Variants in CALHM5 observed in about 807,000 individuals in gnomAD.
CALHM5 encodes calcium homeostasis modulator family member 5.
In CALHM5, 17 loss-of-function variants were observed where a neutral mutation model predicts 20.9. That is an observed-to-expected ratio of 0.82 (90% CI 0.56 to 1.22). The LOEUF is 1.22. Ranked by LOEUF, CALHM5 falls within the 50% of genes most tolerant of loss-of-function variation. CALHM5 has a pLI of 0.00. For missense variants in CALHM5, 360 were observed against 364.6 expected (o/e 0.99, Z 0.10); for synonymous variants, 148 against 140.0 (o/e 1.06, Z -0.40).
rs1191077619 is a variant in CALHM5, at chr6:116,521,073, C to T, written c.*5084C>T. 1.3e-5 allele frequency: 2 copies of T among 150,990 alleles called. No individual in the cohort carries two copies. Among genetic ancestry groups the T allele is most frequent in the Non-Finnish European group, 2.9e-5 (2 of 67,932 alleles). 9.4% of individuals were successfully genotyped at this position (150,990 alleles called of 1,614,324 possible). A position where few individuals can be genotyped will look rare whatever the true frequency, so the allele number is the denominator to read the frequency against. On this transcript the variant is annotated 3_prime_UTR_variant, in exon 2 of 2. Transcript: ENST00000368599. Reference sequence around the variant, plus strand: ...GTACAACAGTATATATACATACATACATATATATGTGTGTGCATGTGTGTG... The same window carrying T: ...GTACAACAGTATATATACATACATATATATATATGTGTGTGCATGTGTGTG...
chr6:116,511,878 T>C lies in CALHM5; in HGVS notation c.182T>C (p.Val61Ala). 4 of 1,614,024 alleles carry C rather than the reference T, an allele frequency of 2.5e-6. No individual in the cohort carries two copies. The highest frequency in any genetic ancestry group is 3.4e-6 in the Non-Finnish European group (4 of 1,179,974). ...GTTTTCCTCTTTGCTCCTGCCTGGG[T>C]GTTACTGATCCTGGGATTCTTTCTG... ...GLVFLFAPAW[V>A]LLILGFFLNN... Residue 61 changes from valine to alanine, a missense_variant, in exon 1 of 2, where the codon GTG (valine) becomes GCG (alanine). Val to Ala is a moderately conservative substitution (Grantham distance 64). Coordinates refer to ENST00000368599, the MANE Select transcript of CALHM5 (RefSeq NM_153711.5).
At position 116,519,957 on chromosome 6, in the gene CALHM5, T is replaced by C. The variant is rs1235763744; in HGVS notation, c.*3968T>C. 6.6e-6 allele frequency: 1 copy of C among 152,182 alleles called. No individual in the cohort carries two copies. Among genetic ancestry groups the C allele is most frequent in the African/African-American group, 2.4e-5 (1 of 41,464 alleles). The allele number at this position is 152,182 out of a possible 1,614,324, so 9.4% of individuals were successfully genotyped here. ...ATATAAAGTGGGAGAAAAAAAGGTA[T>C]GTAACAAAGATTACAAAAATAAGGC... On this transcript the variant is annotated 3_prime_UTR_variant, in exon 2 of 2. Transcript: ENST00000368599.
rs897148097 is a variant in CALHM5 at position 116,520,411 on chromosome 6, A to G, written c.*4422A>G. 2.6e-5 allele frequency: 4 copies of G among 152,168 alleles called. No homozygotes were observed. The highest frequency in any genetic ancestry group is 9.6e-5 in the African/African-American group (4 of 41,522). The allele number at this position is 152,168 out of a possible 1,614,324, so 9.4% of individuals were successfully genotyped here. On this transcript the variant is annotated 3_prime_UTR_variant, in exon 2 of 2. Transcript: ENST00000368599. ...TATCCCCTGTTGTACAAGCCAGAGG[A>G]TATTAATTTCCTTTGTGGGTAGTGC... is the stretch of plus-strand genomic sequence containing the variant.
At position 116,522,525 on chromosome 6, in the gene CALHM5, A is replaced by G. The variant is rs2115175054; in HGVS notation, c.*6536A>G. ...TTTTCTTTAGGTTCCAGTTAGCAGT[A>G]TAGCATCTACAGCATGATTTGATAG... On this transcript the variant is annotated 3_prime_UTR_variant, in exon 2 of 2. Coordinates refer to ENST00000368599, the MANE Select transcript of CALHM5 (RefSeq NM_153711.5). 1 of 152,360 alleles carries G rather than the reference A, an allele frequency of 6.6e-6. No homozygotes were observed. Among genetic ancestry groups the G allele is most frequent in the South Asian group, 2.1e-4 (1 of 4,830 alleles). The allele number at this position is 152,360 out of a possible 1,614,324, so 9.4% of individuals were successfully genotyped here.
intron 1 of CALHM5, among the ~76,000 whole-genome samples, chr6:116,514,680 C>T (rs904917302): frequency 2.6e-5 from 4 of 152,264 alleles, no homozygotes; most frequent in Non-Finnish European, 4.4e-5. Context: ...GGTTGAGACC[C>T]TTCACAAACA....
intron 1 of CALHM5, among the ~76,000 whole-genome samples, chr6:116,514,895 T>C (rs1772192196): frequency 6.6e-6 from 1 of 152,228 alleles, no homozygotes; most frequent in African/African-American, 2.4e-5. Context: ...TTAATTTCAA[T>C]TGTGAAAACA....
intron 1 of CALHM5, among the ~76,000 whole-genome samples, chr6:116,512,557 G>C (rs1163612085): frequency 1.3e-5 from 2 of 152,176 alleles, no homozygotes; most frequent in African/African-American, 4.8e-5. Context: ...ATCATAAATT[G>C]AGTGTTAATG....
In CALHM5 at chr6:116,518,426, C is replaced by T. The variant is rs756746772; in HGVS notation, c.*2437C>T. On this transcript the variant is annotated 3_prime_UTR_variant, in exon 2 of 2. Transcript: ENST00000368599. The stretch of plus-strand genomic sequence containing the variant: ...AAAAAAGGTTTGTTTTTTCTACGTA[C>T]AATATCTTTGGGAACTTGGAGGTGC... The T allele has an allele frequency of 2.6e-4, 40 of 152,344 alleles. No homozygotes were observed. Among genetic ancestry groups the T allele is most frequent in the African/African-American group, 9.4e-4 (39 of 41,510 alleles). 9.4% of individuals were successfully genotyped at this position (152,344 alleles called of 1,614,324 possible). A position where few individuals can be genotyped will look rare whatever the true frequency, so the allele number is the denominator to read the frequency against.
Position 116,515,633 on chromosome 6 carries a change from T to A in CALHM5, c.574T>A (p.Phe192Ile). 6.2e-7 allele frequency: 1 copy of A among 1,613,452 alleles called. No individual in the cohort carries two copies. Among genetic ancestry groups the A allele is most frequent in the Non-Finnish European group, 8.5e-7 (1 of 1,179,714 alleles). The change falls in exon 2 of 2, where the codon TTC (phenylalanine) becomes ATC (isoleucine). Residue 192 changes from phenylalanine (F) to isoleucine (I), a missense_variant. Physicochemically the swap from Phe to Ile is conservative, Grantham distance 21. Transcript: ENST00000368599. ...LGWCLICSAS[F>I]FSLLTTCYAR... ...ATGGTGCCTGATTTGTTCAGCGTCT[T>A]TCTTCTCTCTGCTCACCACATGTTA... is the stretch of plus-strand genomic sequence containing the variant.
At position 116,516,145 on chromosome 6, in the gene CALHM5, G is replaced by T; in HGVS notation, c.*156G>T. On this transcript the variant is annotated 3_prime_UTR_variant, in exon 2 of 2. Transcript: ENST00000368599. The stretch of plus-strand genomic sequence containing the variant: ...AAGGAAACTGCTTTGAAGCTCTCAA[G>T]TGGAACATCAGGATGTGCTCAAATT... 9.8e-7 allele frequency: 1 copy of T among 1,019,956 alleles called. No individual in the cohort carries two copies. Among genetic ancestry groups the T allele is most frequent in the Non-Finnish European group, 1.3e-6 (1 of 741,504 alleles). The allele number at this position is 1,019,956 out of a possible 1,614,324, so 63.2% of individuals were successfully genotyped here.
intron 1 of CALHM5, among the ~76,000 whole-genome samples, chr6:116,514,055 A>G (rs759675458): frequency 6.6e-6 from 1 of 152,136 alleles, no homozygotes. Flanking sequence ...TTCCAAGTCA[A>G]TGAGGAAAAC....
chr6:116,524,374 TG>T lies in CALHM5; in HGVS notation c.*8386del, dbSNP rs544513686. 1.2e-3 allele frequency: 181 copies of T among 152,330 alleles called. No individual in the cohort carries two copies. Among genetic ancestry groups the T allele is most frequent in the African/African-American group, 4.1e-3 (172 of 41,588 alleles). 9.4% of individuals were successfully genotyped at this position (152,330 alleles called of 1,614,324 possible). A position where few individuals can be genotyped will look rare whatever the true frequency, so the allele number is the denominator to read the frequency against. ...TGCTGAAGTTTTGTCAATCACCCCC[TG>T]CTTAGCTGGAGTTTACCTTCTAGTA... On this transcript the variant is annotated 3_prime_UTR_variant, in exon 2 of 2. Coordinates refer to ENST00000368599, the MANE Select transcript of CALHM5 (RefSeq NM_153711.5).
In CALHM5 at chr6:116,521,965, C is replaced by T. The variant is rs888865469; in HGVS notation, c.*5976C>T. The T allele has an allele frequency of 6.6e-6, 1 of 151,982 alleles. No individual in the cohort carries two copies. Among genetic ancestry groups the T allele is most frequent in the Non-Finnish European group, 1.5e-5 (1 of 68,002 alleles). 9.4% of individuals were successfully genotyped at this position (151,982 alleles called of 1,614,324 possible). ...AGCCACTATGTAAGAACTGCAATTA[C>T]TCAGGGACTACCAAGCTCTGAAGAG... On this transcript the variant is annotated 3_prime_UTR_variant, in exon 2 of 2. Transcript: ENST00000368599.
rs1772370451 is a variant in CALHM5, at chr6:116,522,846, A to G, written c.*6857A>G. On this transcript the variant is annotated 3_prime_UTR_variant, in exon 2 of 2. Coordinates refer to ENST00000368599, the MANE Select transcript of CALHM5 (RefSeq NM_153711.5). ...TGTTAGAAATGCAGAATCAGACAGT[A>G]TCTAAAACCTGTTGAGTCAAGCCTG... 6.6e-6 allele frequency: 1 copy of G among 152,112 alleles called. No individual in the cohort carries two copies. The highest frequency in any genetic ancestry group is 2.4e-5 in the African/African-American group (1 of 41,432). The allele number at this position is 152,112 out of a possible 1,614,324, so 9.4% of individuals were successfully genotyped here.
intron 1 of CALHM5, 62 bp downstream of exon 1, chr6:116,512,298 C>T: frequency 6.7e-7 from 1 of 1,502,302 alleles, no homozygotes; most frequent in Non-Finnish European, 8.9e-7. Flanking sequence ...TCTCTGTGCT[C>T]CTTTCAGCCA....
In CALHM5 at chr6:116,522,916, A is replaced by G. The variant is rs2640871; in HGVS notation, c.*6927A>G. 0.41 allele frequency: 62,211 copies of G among 150,940 alleles called. 14,495 individuals carry two copies. Among genetic ancestry groups the G allele is most frequent in the Middle Eastern group, 0.6 (177 of 294 alleles). 9.4% of individuals were successfully genotyped at this position (150,940 alleles called of 1,614,324 possible). A position where few individuals can be genotyped will look rare whatever the true frequency, so the allele number is the denominator to read the frequency against. On this transcript the variant is annotated 3_prime_UTR_variant, in exon 2 of 2. Transcript: ENST00000368599. ...CTGATTCCAGTTCAAGCTAAATTTG[A>G]TAACACTAAGGCAGTGGTTCTCAAA...
Position 116,515,921 on chromosome 6 carries a change from G to A in CALHM5, c.862G>A (p.Gly288Ser). 6.2e-7 allele frequency: 1 copy of A among 1,613,638 alleles called. No individual in the cohort carries two copies. The change falls in exon 2 of 2, where the codon GGT (glycine) becomes AGT (serine). Residue 288 changes from glycine to serine, a missense_variant. Coordinates refer to ENST00000368599, the MANE Select transcript of CALHM5 (RefSeq NM_153711.5). ...CACCCTCCACAGAGTGGTGGACAAT[G>A]GTCTGCAACTTAGCCCTGAGGATGA... ...YSTLHRVVDN[G>S]LQLSPEDDET...
chr6:116,515,072 T>C (rs1457113621), intron 1 of CALHM5, among the ~76,000 whole-genome samples: 1 of 152,236 alleles, frequency 6.6e-6, no homozygotes, highest in Non-Finnish European at 1.5e-5. Context: ...TCCTAATTTT[T>C]TCTCAGCCTT....
rs1279566218 is a variant in CALHM5 at position 116,523,591 on chromosome 6, G to C, written c.*7602G>C. The stretch of plus-strand genomic sequence containing the variant: ...AAACTATTAGGTGAAAGCAGAATGG[G>C]GTCAGACCTATGCAATTTGAAGCCA... On this transcript the variant is annotated 3_prime_UTR_variant, in exon 2 of 2. Coordinates refer to ENST00000368599, the MANE Select transcript of CALHM5 (RefSeq NM_153711.5). 1.3e-5 allele frequency: 2 copies of C among 152,078 alleles called. No homozygotes were observed. Among genetic ancestry groups the C allele is most frequent in the African/African-American group, 4.8e-5 (2 of 41,404 alleles). 9.4% of individuals were successfully genotyped at this position (152,078 alleles called of 1,614,324 possible). A position where few individuals can be genotyped will look rare whatever the true frequency, so the allele number is the denominator to read the frequency against.
Sources: allele counts gnomAD v4.1 joint callset (sites outside exome capture counted in the v4.1 genomes callset), GRCh38; gene constraint gnomAD v4.1.1; transcripts MANE v1.5; gene names NCBI Gene and HGNC (gene_info 2026-07-23, HGNC 2026-07-21).